The following UBE2H variants were observed in gnomAD, a reference collection of about 807,000 sequenced individuals.
UBE2H encodes the protein ubiquitin conjugating enzyme E2 H.
In UBE2H, 3 loss-of-function variants were observed where a neutral mutation model predicts 29.0. The observed-to-expected ratio is 0.10, with a 90% CI of 0.05 to 0.27. The LOEUF is 0.27. Ranked by LOEUF, UBE2H falls within the 10% of genes least tolerant of loss-of-function variation. UBE2H has a pLI of 1.00. For synonymous variants in UBE2H, 69 were observed against 82.9 expected (o/e 0.83, Z 0.91); for missense variants, 68 against 228.2 (o/e 0.30, Z 4.52).
chr7:129,900,941 G>A (rs889347290), intron 1 of UBE2H, among the ~76,000 whole-genome samples: 2 of 151,896 alleles, frequency 1.3e-5, no homozygotes, highest in African/African-American at 4.8e-5. Flanking sequence ...TAGTAGAGAA[G>A]GGGTTTCACC....
At chr7:129,841,150 A>G (rs1179631599) in intron 5 of UBE2H, among the ~76,000 whole-genome samples, 2 of 152,202 alleles carry the variant, frequency 1.3e-5, no homozygotes, top group Non-Finnish European at 2.9e-5. Flanking sequence ...AGGGTCAAAT[A>G]CTTTTAGGCT....
At chr7:129,847,861 G>C (rs1488013410) in intron 5 of UBE2H, among the ~76,000 whole-genome samples, 1 of 150,088 alleles carries the variant, frequency 6.7e-6, no homozygotes, top group East Asian at 1.9e-4. Context: ...CCTCTGGAAG[G>C]AATCTGGCTA....
chr7:129,949,230 C>T, intron 1 of UBE2H: 1 of 309,270 alleles, frequency 3.2e-6, no homozygotes, highest in South Asian at 2.6e-5. Context: ...ACCGATATTC[C>T]TTTAGGGCAA....
intron 5 of UBE2H, among the ~76,000 whole-genome samples, chr7:129,840,618 G>C (rs919437189): frequency 6.6e-6 from 1 of 152,110 alleles, no homozygotes; most frequent in South Asian, 2.1e-4. Context: ...CCATAGCTCA[G>C]ATATGCTGTA....
intron 1 of UBE2H, among the ~76,000 whole-genome samples, chr7:129,917,739 G>A (rs779999683): frequency 4.6e-5 from 7 of 152,070 alleles, no homozygotes; most frequent in Non-Finnish European, 8.8e-5. Flanking sequence ...CTTTGAACTG[G>A]GAGGTGAAAA....
rs147041865 is a variant in UBE2H, at chr7:129,915,238, A to C, written c.54-34267T>G. Reference sequence around the variant, plus strand: ...TTCTTCACCTGCTTCTTCACACTTTATTTAAATACTAAATACAGCCGGGCG... The same window carrying C: ...TTCTTCACCTGCTTCTTCACACTTTCTTTAAATACTAAATACAGCCGGGCG... On this transcript the variant is annotated intron_variant, in intron 1 of 6. Coordinates refer to ENST00000355621, the MANE Select transcript of UBE2H (RefSeq NM_003344.4). 3.1e-3 allele frequency among the ~76,000 whole-genome samples: 471 copies of C among 152,220 alleles called. 6 individuals are homozygous for C. Among genetic ancestry groups the C allele is most frequent in the African/African-American group, 0.011 (440 of 41,554 alleles).
chr7:129,951,566 C>A (rs1807876565), intron 1 of UBE2H, among the ~76,000 whole-genome samples: 1 of 152,184 alleles, frequency 6.6e-6, no homozygotes, highest in Non-Finnish European at 1.5e-5. Context: ...AGTCTGGACT[C>A]CAACCAAAAC....
At chr7:129,854,060 G>GGTTTTTTTTTTTTTTTTTATTTTAT (rs1554430936) in intron 5 of UBE2H, among the ~76,000 whole-genome samples, 1 of 100,312 alleles carries the variant, frequency 1.0e-5, no homozygotes. Flanking sequence ...TTTAGTGTTA[G>GGTTTTTTTTTTTTTTTTTATTTTAT]TTTTTTTTTT....
At chr7:129,897,768 T>C (rs1041215819) in intron 1 of UBE2H, among the ~76,000 whole-genome samples, 1 of 152,170 alleles carries the variant, frequency 6.6e-6, no homozygotes, top group African/African-American at 2.4e-5. Context: ...TGTTGGAAGT[T>C]TGATAAAAAC....
intron 3 of UBE2H, among the ~76,000 whole-genome samples, chr7:129,875,124 T>C (rs928774782): frequency 1.3e-5 from 2 of 152,180 alleles, no homozygotes; most frequent in African/African-American, 4.8e-5. Context: ...TGCAATATGA[T>C]TAAAAATATT....
chr7:129,877,302 G>A (rs1421661543), intron 3 of UBE2H, among the ~76,000 whole-genome samples: 1 of 152,182 alleles, frequency 6.6e-6, no homozygotes, highest in Non-Finnish European at 1.5e-5. Flanking sequence ...ACAGGGGCAA[G>A]ATTTAAAAAG....
At chr7:129,872,753 G>T (rs969794535) in intron 3 of UBE2H, among the ~76,000 whole-genome samples, 1 of 135,658 alleles carries the variant, frequency 7.4e-6, no homozygotes, top group Non-Finnish European at 1.5e-5. Flanking sequence ...TGAGGCAGGA[G>T]AATTGCTTGA....
intron 1 of UBE2H, among the ~76,000 whole-genome samples, chr7:129,881,865 T>C (rs991596823): frequency 6.6e-6 from 1 of 152,152 alleles, no homozygotes; most frequent in African/African-American, 2.4e-5. Context: ...GTTCCCACAA[T>C]TGTCTCCTTG....
chr7:129,862,730 G>A (rs1805825798), intron 3 of UBE2H, among the ~76,000 whole-genome samples: 1 of 152,196 alleles, frequency 6.6e-6, no homozygotes, highest in East Asian at 1.9e-4. Flanking sequence ...TGAAAAAGGG[G>A]CAGAAAATGA....
At chr7:129,850,470 T>G (rs1419773521) in intron 5 of UBE2H, among the ~76,000 whole-genome samples, 1 of 152,224 alleles carries the variant, frequency 6.6e-6, no homozygotes, top group East Asian at 1.9e-4. Flanking sequence ...TTTTTAAGTA[T>G]TCAAAGCTAG....
chr7:129,938,723 A>G (rs959459689), intron 1 of UBE2H, among the ~76,000 whole-genome samples: 1 of 151,444 alleles, frequency 6.6e-6, no homozygotes, highest in African/African-American at 2.4e-5. Context: ...AAAAAAACAA[A>G]GCCGACCCAA....
chr7:129,850,343 G>A (rs1805586543), intron 5 of UBE2H, among the ~76,000 whole-genome samples: 1 of 151,868 alleles, frequency 6.6e-6, no homozygotes, highest in Non-Finnish European at 1.5e-5. Flanking sequence ...GGGTGACAGG[G>A]CAAGACCTTG....
At position 129,834,825 on chromosome 7, in the gene UBE2H, T is replaced by C; in HGVS notation, c.*112A>G. ...ATATATATATCAATGCTATTATTCA[T>C]AAAAACCTTGTTTAGTAATAAAAAA... On this transcript the variant is annotated 3_prime_UTR_variant, in exon 7 of 7. Transcript: ENST00000355621. 2 of 1,299,478 alleles carry C rather than the reference T, an allele frequency of 1.5e-6. No homozygotes were observed. Among genetic ancestry groups the C allele is most frequent in the Admixed American group, 2.4e-5 (1 of 42,298 alleles). 80.5% of individuals were successfully genotyped at this position (1,299,478 alleles called of 1,614,324 possible). A position where few individuals can be genotyped will look rare whatever the true frequency, so the allele number is the denominator to read the frequency against.
intron 1 of UBE2H, among the ~76,000 whole-genome samples, chr7:129,938,413 CAAAAAAAAAAAAAAA>C (rs34454670): frequency 1.8e-4 from 7 of 38,018 alleles, no homozygotes; most frequent in African/African-American, 2.6e-4. Context: ...CTGCCTCATT[CAAAAAAAAAAAAAAA>C]AAAAAAAAAA....
Sources: allele counts gnomAD v4.1 joint callset (sites outside exome capture counted in the v4.1 genomes callset), GRCh38; gene constraint gnomAD v4.1.1; transcripts MANE v1.5; gene names NCBI Gene and HGNC (gene_info 2026-07-23, HGNC 2026-07-21).